NHSL1: variants seen among roughly 807,000 people sequenced by gnomAD.
NHSL1 encodes NHS-like protein 1.
NHSL1 carries 48 observed loss-of-function variants against 95.0 expected under a neutral mutation model. That is an observed-to-expected ratio of 0.51 (90% CI 0.40 to 0.64). The LOEUF (loss-of-function observed/expected upper bound fraction) is 0.64. NHSL1 is among the 30% of genes least tolerant of loss of function. The pLI is 0.00. For synonymous variants in NHSL1, 783 were observed against 833.9 expected (o/e 0.94, Z 1.05); for missense variants, 1,971 against 2,077.7 (o/e 0.95, Z 1.00).
At chr6:138,545,758 C>T, upstream of NHSL1, 2 of 1,216,834 alleles carry the variant, frequency 1.6e-6, no homozygotes, top group South Asian at 1.5e-5. Flanking sequence ...GGCGGCCAGC[C>T]AGCGCCTGTT....
intron 1 of NHSL1, among the ~76,000 whole-genome samples, chr6:138,581,574 C>A (rs935654197): frequency 2.0e-5 from 3 of 151,588 alleles, no homozygotes; most frequent in Non-Finnish European, 4.4e-5. Flanking sequence ...TGCCTGTAAT[C>A]CCAGCTGCTT....
rs185184544 is a variant in NHSL1 at position 138,606,206 on chromosome 6, G to A, written c.96+86270C>T. ...GCTCCTCTGGCCTGAAGAGGCTGCA[G>A]AGGAAAGACCTGGCACCTTCCTCCT... On this transcript the variant is annotated intron_variant, in intron 1 of 3. Transcript: ENST00000491526. Among the ~76,000 whole-genome samples, 3 of 152,290 alleles carry A rather than the reference G, an allele frequency of 2.0e-5. No homozygotes were observed. The East Asian group carries it at 5.8e-4, about 29-fold the overall frequency.
intron 1 of NHSL1, among the ~76,000 whole-genome samples, chr6:138,519,454 T>C (rs1781587326): frequency 2.0e-5 from 3 of 152,220 alleles, no homozygotes; most frequent in Admixed American, 1.3e-4. Context: ...TCTTGTCTTT[T>C]TTTTTAAACC....
chr6:138,569,187 G>T lies in NHSL1; in HGVS notation c.202+2523C>A, dbSNP rs143053017. ...CAGGGGGACAACTGATGCGAGGCTA[G>T]CTTGTTAAGCTACAGTTGCCCTACA... On this transcript the variant is annotated intron_variant, in intron 1 of 6. Transcript: ENST00000427025. 1.2e-3 allele frequency among the ~76,000 whole-genome samples: 187 copies of T among 152,166 alleles called. 2 individuals carry two copies. Among genetic ancestry groups the T allele is most frequent in the African/African-American group, 4.2e-3 (176 of 41,538 alleles).
chr6:138,582,646 G>A (rs1195203789), intron 1 of NHSL1, among the ~76,000 whole-genome samples: 2 of 152,176 alleles, frequency 1.3e-5, no homozygotes, highest in African/African-American at 2.4e-5. Context: ...GAGGGCCACT[G>A]CCTGTGGGTG....
At chr6:138,652,416 G>GTGACAGAATGAGACTCC (rs1562403074) in intron 1 of NHSL1, among the ~76,000 whole-genome samples, 1 of 149,892 alleles carries the variant, frequency 6.7e-6, no homozygotes, top group African/African-American at 2.5e-5. Flanking sequence ...CTCCAGCCTG[G>GTGACAGAATGAGACTCC]GCAACAAGAG....
At chr6:138,550,360 TATG>T (rs1782956257), upstream of NHSL1, among the ~76,000 whole-genome samples, 1 of 152,204 alleles carries the variant, frequency 6.6e-6, no homozygotes, top group South Asian at 2.1e-4. Context: ...CCATTGAAAT[TATG>T]ATTGTCTGAC....
At chr6:138,517,119 C>G (rs1781492386) in intron 1 of NHSL1, among the ~76,000 whole-genome samples, 1 of 152,210 alleles carries the variant, frequency 6.6e-6, no homozygotes, top group South Asian at 2.1e-4. Context: ...TACTCTTTGG[C>G]TGTATCATAA....
At chr6:138,608,180 C>T (rs1260855341) in intron 1 of NHSL1, among the ~76,000 whole-genome samples, 2 of 152,192 alleles carry the variant, frequency 1.3e-5, no homozygotes, top group Non-Finnish European at 2.9e-5. Context: ...TAAATGAAGG[C>T]TTTAGTCTGT....
intron 2 of NHSL1, among the ~76,000 whole-genome samples, chr6:138,486,652 C>G (rs1779749315): frequency 6.6e-6 from 1 of 152,176 alleles, no homozygotes; most frequent in Non-Finnish European, 1.5e-5. Flanking sequence ...ACTACTTGTT[C>G]CCCGGCTTTG....
intron 2 of NHSL1, among the ~76,000 whole-genome samples, chr6:138,475,668 G>A (rs552123369): frequency 3.7e-4 from 57 of 152,170 alleles, no homozygotes; most frequent in Middle Eastern, 3.4e-3. Flanking sequence ...AAGCAAGGCC[G>A]GGCATGGTGG....
chr6:138,537,469 A>G lies in NHSL1; in HGVS notation c.16+8154T>C, dbSNP rs560498308. Reference sequence around the variant, plus strand: ...GCCTTTCTCACTATGTAGAAATACTACATTTGCAAATTAGGGTACAAATCA... The same window carrying G: ...GCCTTTCTCACTATGTAGAAATACTGCATTTGCAAATTAGGGTACAAATCA... On this transcript the variant is annotated intron_variant, in intron 1 of 4. Transcript: ENST00000342260. Among the ~76,000 whole-genome samples the G allele has an allele frequency of 5.3e-5, 8 of 152,372 alleles. No individual in the cohort carries two copies. The South Asian group carries it at 1.7e-3, about 32-fold the overall frequency.
At chr6:138,664,928 A>G (rs1270216036) in intron 1 of NHSL1, among the ~76,000 whole-genome samples, 1 of 152,160 alleles carries the variant, frequency 6.6e-6, no homozygotes, top group African/African-American at 2.4e-5. Context: ...CATTCAACTG[A>G]TTGGATGAGG....
At chr6:138,631,540 G>A (rs1057231478) in intron 1 of NHSL1, among the ~76,000 whole-genome samples, 3 of 152,088 alleles carry the variant, frequency 2.0e-5, no homozygotes, top group African/African-American at 7.2e-5. Flanking sequence ...GCAGAATAGG[G>A]CAACGGTCAA....
At chr6:138,677,041 G>A (rs762513242) in intron 1 of NHSL1, among the ~76,000 whole-genome samples, 5 of 152,168 alleles carry the variant, frequency 3.3e-5, no homozygotes, top group Non-Finnish European at 7.3e-5. Flanking sequence ...GCTAACTGAT[G>A]GACAGGTTAC....
chr6:138,441,968 T>G lies in NHSL1; in HGVS notation c.664+15A>C. The G allele has an allele frequency of 6.5e-7, 1 of 1,545,806 alleles. No homozygotes were observed. ...GCAGTGAAGGGCAACAGAATACAGTTCTGATGAGCCATACCTAGCTCCTTC... is the reference window on the plus strand; with the variant it reads ...GCAGTGAAGGGCAACAGAATACAGTGCTGATGAGCCATACCTAGCTCCTTC... On this transcript the variant is annotated intron_variant, in intron 5 of 7. Coordinates refer to ENST00000343505, the MANE Select transcript of NHSL1 (RefSeq NM_001144060.2).
At chr6:138,504,249 G>A (rs1242648258), upstream of NHSL1, among the ~76,000 whole-genome samples, 2 of 151,898 alleles carry the variant, frequency 1.3e-5, no homozygotes, top group Non-Finnish European at 2.9e-5. Flanking sequence ...AAGAAAGAGA[G>A]AGAGAGAGAA....
chr6:138,685,108 TTTTGTTA>T (rs1421590475), intron 1 of NHSL1, among the ~76,000 whole-genome samples: 1 of 152,222 alleles, frequency 6.6e-6, no homozygotes, highest in Non-Finnish European at 1.5e-5. Flanking sequence ...AATGTTTCTC[TTTTGTTA>T]AATTTTTTCA....
chr6:138,441,955 A>T (rs1431321448), intron 5 of NHSL1, 28 bp downstream of exon 5: 1 of 1,534,328 alleles, frequency 6.5e-7, no homozygotes, highest in Non-Finnish European at 8.8e-7. Flanking sequence ...AGTGAAGGGC[A>T]ACAGAATACA....
Sources: gnomAD v4.1 joint callset for allele counts (sites outside exome capture counted in the v4.1 genomes callset) on GRCh38, gnomAD v4.1.1 for gene constraint, MANE v1.5 for transcripts, NCBI Gene and HGNC (gene_info 2026-07-23, HGNC 2026-07-21) for gene names.